The following SERPINE2 variants were observed in gnomAD, a reference collection of about 807,000 sequenced individuals.
SERPINE2 encodes the protein glia-derived nexin.
In SERPINE2, 14 loss-of-function variants were observed where a neutral mutation model predicts 36.3. The observed-to-expected ratio is 0.39, with a 90% CI of 0.25 to 0.60. The LOEUF (loss-of-function observed/expected upper bound fraction) is 0.60, where lower values mean the gene tolerates loss of function less well. Among genes scored for constraint, SERPINE2 ranks in the 20% least tolerant of loss-of-function variants. SERPINE2 has a pLI of 0.57. For missense variants in SERPINE2, 418 were observed against 499.6 expected (o/e 0.84, Z 1.56); for synonymous variants, 192 against 191.8 (o/e 1.00, Z -0.01).
intron 3 of SERPINE2, among the ~76,000 whole-genome samples, chr2:223,992,881 GAGGA>G (rs1248860221): frequency 6.6e-6 from 1 of 152,280 alleles, no homozygotes; most frequent in Admixed American, 6.5e-5. Flanking sequence ...GGAGGCCGAG[GAGGA>G]AGGATCACTT....
At chr2:224,013,371 T>C (rs1269879051) in intron 1 of SERPINE2, among the ~76,000 whole-genome samples, 3 of 152,186 alleles carry the variant, frequency 2.0e-5, no homozygotes, top group Admixed American at 6.5e-5. Flanking sequence ...CAGGCCCTCC[T>C]TCAGGTGGCC....
At chr2:224,001,142 T>C (rs1349769309) in intron 2 of SERPINE2, among the ~76,000 whole-genome samples, 2 of 152,168 alleles carry the variant, frequency 1.3e-5, no homozygotes, top group Non-Finnish European at 2.9e-5. Context: ...TACACTCCTG[T>C]TGTGGGCTTG....
chr2:223,982,900 T>G, intron 5 of SERPINE2, 119 bp from the exon 6 acceptor site: 1 of 642,466 alleles, frequency 1.6e-6, no homozygotes, highest in Non-Finnish European at 2.6e-6. Context: ...CCGATCTGAA[T>G]TGCATCTTAA....
At chr2:224,038,908 G>A (rs1382911335) in intron 1 of SERPINE2, 191 bp downstream of exon 1, 1 of 184,712 alleles carries the variant, frequency 5.4e-6, no homozygotes, top group Non-Finnish European at 1.1e-5. Flanking sequence ...CCCGGCCAAG[G>A]CGGCCCGCGG....
chr2:224,034,408 G>A (rs948345244), intron 1 of SERPINE2, among the ~76,000 whole-genome samples: 3 of 152,158 alleles, frequency 2.0e-5, no homozygotes, highest in African/African-American at 7.2e-5. Flanking sequence ...GCACTGGGCG[G>A]TACCAGTGCA....
At chr2:224,035,123 G>A (rs1273660548) in intron 1 of SERPINE2, among the ~76,000 whole-genome samples, 1 of 151,728 alleles carries the variant, frequency 6.6e-6, no homozygotes, top group African/African-American at 2.4e-5. Context: ...ACATGGAAGA[G>A]AGTTAGAAGG....
intron 2 of SERPINE2, 132 bp from the exon 3 acceptor site, chr2:223,998,474 T>C (rs554835380): frequency 7.7e-6 from 5 of 651,876 alleles, no homozygotes; most frequent in Non-Finnish European, 1.3e-5. Flanking sequence ...TCCCAGCAAT[T>C]TGAGAGGCTG....
intron 1 of SERPINE2, among the ~76,000 whole-genome samples, chr2:224,037,768 T>C (rs926354839): frequency 6.6e-6 from 1 of 152,216 alleles, no homozygotes; most frequent in Admixed American, 6.5e-5. Flanking sequence ...ATTAAACTAA[T>C]ATGAAGTTCA....
chr2:224,031,514 C>T, intron 1 of SERPINE2: 3 of 985,700 alleles, frequency 3.0e-6, no homozygotes, highest in East Asian at 1.1e-4. Flanking sequence ...ATCATAGAAC[C>T]TCCCTCCTCC....
chr2:224,010,379 A>C (rs1691583978), intron 1 of SERPINE2: 1 of 984,996 alleles, frequency 1.0e-6, no homozygotes. Context: ...GCAACATCCA[A>C]ATGGTCCCTT....
At chr2:224,010,012 T>C (rs1691569213) in intron 1 of SERPINE2, among the ~76,000 whole-genome samples, 1 of 152,228 alleles carries the variant, frequency 6.6e-6, no homozygotes, top group African/African-American at 2.4e-5. Flanking sequence ...CCAAGACCTG[T>C]ATTCATTTTC....
intron 2 of SERPINE2, among the ~76,000 whole-genome samples, chr2:224,000,437 C>CCCA: frequency 6.6e-6 from 1 of 152,138 alleles, no homozygotes; most frequent in African/African-American, 2.4e-5. Flanking sequence ...AAAGGTTTTT[C>CCCA]TTTAACTCAA....
intron 4 of SERPINE2, among the ~76,000 whole-genome samples, chr2:223,989,496 A>C (rs1456034195): frequency 6.6e-6 from 1 of 152,230 alleles, no homozygotes; most frequent in Non-Finnish European, 1.5e-5. Flanking sequence ...CAGTCTGTGG[A>C]AATGGAAACA....
rs767062943 is a variant in SERPINE2 at position 224,001,910 on chromosome 2, C to T, written c.-10G>A. 6.2e-7 allele frequency: 1 copy of T among 1,607,398 alleles called. No homozygotes were observed. The highest frequency in any genetic ancestry group is 1.1e-5 in the South Asian group (1 of 90,790). On this transcript the variant is annotated 5_prime_UTR_variant, in exon 2 of 9. Coordinates refer to ENST00000409304, the MANE Select transcript of SERPINE2 (RefSeq NM_001136528.2). ...GGAGATGCCAGTTCATGGTTCCTTC[C>T]ACCAAGGACGACCTGGAAAAGTAAG...
chr2:223,978,929 A>C (rs1189016273), intron 7 of SERPINE2: 1 of 152,084 alleles, frequency 6.6e-6, no homozygotes. Flanking sequence ...CCTTATTTGA[A>C]GTGGGAGAGA....
At chr2:223,982,824 T>A in intron 5 of SERPINE2, 43 bp from the exon 6 acceptor site, 1 of 1,400,452 alleles carries the variant, frequency 7.1e-7, no homozygotes, top group Non-Finnish European at 1.0e-6. Context: ...CACGAGGCTA[T>A]AAATGCTACA....
intron 5 of SERPINE2, 54 bp from the exon 6 acceptor site, chr2:223,982,835 T>G: frequency 7.8e-7 from 1 of 1,275,108 alleles, no homozygotes; most frequent in Admixed American, 1.9e-5. Context: ...AAATGCTACA[T>G]GATAGAGTCG....
intron 3 of SERPINE2, among the ~76,000 whole-genome samples, chr2:223,997,858 T>C (rs1244955260): frequency 6.6e-6 from 1 of 152,128 alleles, no homozygotes; most frequent in Non-Finnish European, 1.5e-5. Context: ...AGACCAGATA[T>C]GGCAAGGAGA....
chr2:224,013,688 C>G (rs899306394), intron 1 of SERPINE2, among the ~76,000 whole-genome samples: 7 of 152,140 alleles, frequency 4.6e-5, no homozygotes, highest in South Asian at 2.1e-4. Flanking sequence ...AAGAAAAAGG[C>G]AGCCTGTAAG....
Sources: allele counts gnomAD v4.1 joint callset (sites outside exome capture counted in the v4.1 genomes callset), GRCh38; gene constraint gnomAD v4.1.1; transcripts MANE v1.5; gene names NCBI Gene and HGNC (gene_info 2026-07-23, HGNC 2026-07-21).